The following UNC5D variants were observed in gnomAD, a reference collection of about 807,000 sequenced individuals.
UNC5D encodes the protein unc-5 netrin receptor D.
A neutral mutation model predicts 105.4 loss-of-function variants in UNC5D; 39 were observed. The ratio of observed to expected loss-of-function variants is 0.37; its 90% CI spans 0.29 to 0.48. The LOEUF is 0.48. UNC5D is among the 20% of genes least tolerant of loss of function. The probability of loss-of-function intolerance (pLI) is 0.98; values close to 1 mark genes in which losing one functional copy is unlikely to be tolerated. For missense variants in UNC5D, 991 were observed against 1,202.4 expected (o/e 0.82, Z 2.60); for synonymous variants, 452 against 450.4 (o/e 1.00, Z -0.04).
At chr8:35,249,363 G>T (rs1803524802) in intron 1 of UNC5D, among the ~76,000 whole-genome samples, 1 of 149,380 alleles carries the variant, frequency 6.7e-6, no homozygotes, top group Non-Finnish European at 1.5e-5. Context: ...TTCGAGATCA[G>T]AGTGGCTAAC....
intron 1 of UNC5D, among the ~76,000 whole-genome samples, chr8:35,459,724 T>G (rs927897355): frequency 1.3e-5 from 2 of 152,208 alleles, no homozygotes; most frequent in Non-Finnish European, 2.9e-5. Flanking sequence ...TGGAGGATGG[T>G]GGAGTCAACT....
At position 35,776,565 on chromosome 8, in the gene UNC5D, AACT is replaced by A. The variant is rs534426957; in HGVS notation, c.2657+2089_2657+2091del. 3.7e-4 allele frequency among the ~76,000 whole-genome samples: 57 copies of A among 152,306 alleles called. 3 individuals are homozygous for A. The South Asian group carries it at 0.012, about 31-fold the overall frequency. On this transcript the variant is annotated intron_variant, in intron 16 of 16. Transcript: ENST00000404895. ...AGCAGTCAGTGGCTACCCTGGAGCC[AACT>A]GCCCCCTTCTGTGTCTGGGGCCATA...
intron 2 of UNC5D, among the ~76,000 whole-genome samples, chr8:35,553,648 G>C (rs1816327433): frequency 6.6e-6 from 1 of 152,156 alleles, no homozygotes; most frequent in African/African-American, 2.4e-5. Context: ...TGTTTCCTAA[G>C]CTCTGTATTA....
At chr8:35,462,142 C>A (rs769734968) in intron 1 of UNC5D, among the ~76,000 whole-genome samples, 3 of 152,110 alleles carry the variant, frequency 2.0e-5, no homozygotes, top group Admixed American at 2.0e-4. Flanking sequence ...ACCCAGTTTT[C>A]TCTCAAGCCC....
At chr8:35,576,598 AGTT>A (rs998050127) in intron 3 of UNC5D, among the ~76,000 whole-genome samples, 1 of 151,292 alleles carries the variant, frequency 6.6e-6, no homozygotes, top group African/African-American at 2.4e-5. Context: ...GGACTAACAG[AGTT>A]GTTTGTTTGT....
At chr8:35,679,760 T>C (rs1045919559) in intron 4 of UNC5D, among the ~76,000 whole-genome samples, 11 of 152,288 alleles carry the variant, frequency 7.2e-5, no homozygotes, top group African/African-American at 2.4e-4. Context: ...AAGAAGATCA[T>C]GGTAGGACAG....
chr8:35,507,335 G>A (rs1472205880), intron 1 of UNC5D, among the ~76,000 whole-genome samples: 1 of 152,102 alleles, frequency 6.6e-6, no homozygotes, highest in African/African-American at 2.4e-5. Flanking sequence ...GATTACAGGC[G>A]TGAGCCACCG....
At chr8:35,492,521 G>A (rs750118827) in intron 1 of UNC5D, among the ~76,000 whole-genome samples, 10 of 152,044 alleles carry the variant, frequency 6.6e-5, no homozygotes, top group Non-Finnish European at 1.5e-4. Context: ...AGGGCAAGAA[G>A]GATTTTTCCT....
chr8:35,301,058 C>G (rs920592055), intron 1 of UNC5D, among the ~76,000 whole-genome samples: 1 of 152,168 alleles, frequency 6.6e-6, no homozygotes, highest in African/African-American at 2.4e-5. Context: ...AACAAGCACA[C>G]CTTGCTCGTA....
chr8:35,428,047 C>A (rs1024017240), intron 1 of UNC5D, among the ~76,000 whole-genome samples: 4 of 151,988 alleles, frequency 2.6e-5, no homozygotes, highest in Non-Finnish European at 5.9e-5. Context: ...GAAGTGCTGC[C>A]CAGACTGAAA....
chr8:35,523,115 G>C (rs1024218304), intron 1 of UNC5D, among the ~76,000 whole-genome samples: 20 of 134,000 alleles, frequency 1.5e-4, no homozygotes, highest in African/African-American at 5.6e-4. Context: ...ACTGGGTCTT[G>C]TTCTGTCACC....
At chr8:35,308,879 G>C (rs1274437785) in intron 1 of UNC5D, among the ~76,000 whole-genome samples, 1 of 152,004 alleles carries the variant, frequency 6.6e-6, no homozygotes, top group East Asian at 1.9e-4. Context: ...ATTATTCCAT[G>C]CCATGGATGT....
At chr8:35,755,012 T>C (rs2131662034) in intron 13 of UNC5D, among the ~76,000 whole-genome samples, 1 of 152,306 alleles carries the variant, frequency 6.6e-6, no homozygotes, top group East Asian at 1.9e-4. Flanking sequence ...TGCTTTTGTG[T>C]TTTTGTAATA....
intron 1 of UNC5D, among the ~76,000 whole-genome samples, chr8:35,492,878 AG>A (rs1811301457): frequency 6.6e-6 from 1 of 152,182 alleles, no homozygotes; most frequent in Non-Finnish European, 1.5e-5. Flanking sequence ...TTATTATGCA[AG>A]CAAGGTCTCC....
chr8:35,316,052 G>T (rs1450725896), intron 1 of UNC5D, among the ~76,000 whole-genome samples: 5 of 152,082 alleles, frequency 3.3e-5, no homozygotes, highest in Non-Finnish European at 7.4e-5. Context: ...TTATAGGGAG[G>T]CACGATTGGA....
intron 4 of UNC5D, among the ~76,000 whole-genome samples, chr8:35,681,442 T>G (rs1224464153): frequency 6.6e-6 from 1 of 152,232 alleles, no homozygotes; most frequent in Non-Finnish European, 1.5e-5. Context: ...TCTCTGATAC[T>G]CAACAGATGT....
intron 7 of UNC5D, among the ~76,000 whole-genome samples, chr8:35,704,459 G>A (rs1827410082): frequency 6.6e-6 from 1 of 152,202 alleles, no homozygotes; most frequent in Admixed American, 6.5e-5. Flanking sequence ...TCTCAAATGT[G>A]TACCGTACAG....
At chr8:35,552,067 T>C (rs1440577057) in intron 2 of UNC5D, among the ~76,000 whole-genome samples, 1 of 152,126 alleles carries the variant, frequency 6.6e-6, no homozygotes, top group Non-Finnish European at 1.5e-5. Flanking sequence ...CCTAAAACTC[T>C]ATAATAATTC....
intron 4 of UNC5D, among the ~76,000 whole-genome samples, chr8:35,600,754 G>C (rs1174304035): frequency 6.6e-6 from 1 of 152,164 alleles, no homozygotes; most frequent in Non-Finnish European, 1.5e-5. Context: ...TAGGTTGCCT[G>C]TTCACTCTGA....
Sources: gnomAD v4.1 joint callset for allele counts (sites outside exome capture counted in the v4.1 genomes callset) on GRCh38, gnomAD v4.1.1 for gene constraint, MANE v1.5 for transcripts, NCBI Gene and HGNC (gene_info 2026-07-23, HGNC 2026-07-21) for gene names.